The following LONP2 variants were observed in gnomAD, a reference collection of about 807,000 sequenced individuals.
The protein encoded by LONP2 is lon protease homolog 2, peroxisomal.
A neutral mutation model predicts 85.6 loss-of-function variants in LONP2; 60 were observed. The observed-to-expected ratio is 0.70, with a 90% confidence interval of 0.57 to 0.87. The LOEUF (loss-of-function observed/expected upper bound fraction) is 0.87, where lower values mean the gene tolerates loss of function less well. Ranked by LOEUF, LONP2 falls within the 40% of genes least tolerant of loss-of-function variation. The pLI, the probability that LONP2 is intolerant of heterozygous loss-of-function variation, is 0.00. For synonymous variants in LONP2, 395 were observed against 389.7 expected (o/e 1.01, Z -0.16); for missense variants, 860 against 1,063.5 (o/e 0.81, Z 2.66).
At chr16:48,250,095 G>A (rs143593597) in intron 1 of LONP2, among the ~76,000 whole-genome samples, 4,031 of 151,954 alleles carry the variant, frequency 0.027, 69 homozygotes, top group Non-Finnish European at 0.037. Context: ...GGGAGGCTGA[G>A]GCACGAGAAT....
chr16:48,268,224 C>G (rs1032092136), intron 6 of LONP2, among the ~76,000 whole-genome samples: 2 of 152,062 alleles, frequency 1.3e-5, no homozygotes, highest in Non-Finnish European at 2.9e-5. Flanking sequence ...ATAATTTATA[C>G]AGCATGGAAA....
intron 11 of LONP2, among the ~76,000 whole-genome samples, chr16:48,328,984 A>G (rs1959349965): frequency 6.6e-6 from 1 of 152,228 alleles, no homozygotes; most frequent in African/African-American, 2.4e-5. Flanking sequence ...AGAAAACCAG[A>G]TACAAAGAGG....
chr16:48,327,540 C>T (rs1418981639), intron 11 of LONP2, among the ~76,000 whole-genome samples: 4 of 152,068 alleles, frequency 2.6e-5, no homozygotes, highest in East Asian at 1.9e-4. Flanking sequence ...TCACTGCAAC[C>T]TCCACTTCCC....
At chr16:48,280,698 TA>T (rs1972308037) in intron 8 of LONP2, among the ~76,000 whole-genome samples, 1 of 152,142 alleles carries the variant, frequency 6.6e-6, no homozygotes, top group Non-Finnish European at 1.5e-5. Flanking sequence ...GTAAATGCTA[TA>T]AAATGAAGCA....
intron 6 of LONP2, among the ~76,000 whole-genome samples, chr16:48,268,676 T>C (rs918733125): frequency 6.6e-6 from 1 of 152,206 alleles, no homozygotes; most frequent in African/African-American, 2.4e-5. Context: ...CTTTCACTTC[T>C]TCATATATTC....
chr16:48,343,486 C>T (rs752339910), intron 12 of LONP2, among the ~76,000 whole-genome samples: 5 of 152,202 alleles, frequency 3.3e-5, no homozygotes, highest in Non-Finnish European at 7.4e-5. Context: ...ATCATGAGGT[C>T]AGGAGTTCGA....
intron 7 of LONP2, among the ~76,000 whole-genome samples, chr16:48,271,012 C>G (rs566456879): frequency 2.6e-4 from 40 of 152,054 alleles, no homozygotes; most frequent in African/African-American, 9.4e-4. Context: ...TAATTTTTGT[C>G]TCCACAAAAA....
At chr16:48,358,942 A>C (rs1343012862), downstream of LONP2, among the ~76,000 whole-genome samples, 1 of 152,146 alleles carries the variant, frequency 6.6e-6, no homozygotes, top group Non-Finnish European at 1.5e-5. Context: ...TAATCAAAAC[A>C]CTTAATAGTA....
rs1960244961 is a variant in LONP2, at chr16:48,354,081, G to GC, written c.*2279_*2280insC. 1 of 133,916 alleles carries GC rather than the reference G, an allele frequency of 7.5e-6. No homozygotes were observed. The allele number at this position is 133,916 out of a possible 1,614,324, so 8.3% of individuals were successfully genotyped here. A position where few individuals can be genotyped will look rare whatever the true frequency, so the allele number is the denominator to read the frequency against. Reference sequence around the variant, plus strand: ...TTTTCACCTGGGTTTTTTTTTTTTGGGGGGGGTGGGGGGTTAGGGGTGGGG... The same window carrying GC: ...TTTTCACCTGGGTTTTTTTTTTTTGGCGGGGGGTGGGGGGTTAGGGGTGGGG... On this transcript the variant is annotated 3_prime_UTR_variant, in exon 15 of 15. Coordinates refer to ENST00000285737, the MANE Select transcript of LONP2 (RefSeq NM_031490.5).
In LONP2 at chr16:48,297,060, T is replaced by G. The variant is rs142436049; in HGVS notation, c.1534+895T>G. Among the ~76,000 whole-genome samples the G allele has an allele frequency of 1.9e-3, 287 of 152,294 alleles. 1 individual carries two copies. Among genetic ancestry groups the G allele is most frequent in the African/African-American group, 6.6e-3 (274 of 41,560 alleles). ...GTCTAGCTTGTTGCCCAGGCTGGAG[T>G]GCAGTGGCACGATCTCGGCTCACTG... On this transcript the variant is annotated intron_variant, in intron 9 of 14. Transcript: ENST00000285737.
In LONP2 at chr16:48,348,269, ACT is replaced by A; in HGVS notation, c.2317_2318del (p.Leu773GlufsTer11). 6.5e-7 allele frequency: 1 copy of A among 1,534,706 alleles called. No homozygotes were observed. Among genetic ancestry groups the A allele is most frequent in the Non-Finnish European group, 8.8e-7 (1 of 1,142,376 alleles). Reference sequence around the variant, plus strand: ...ATGTAGCCATGACTGGAGAAATTACACTGAGAGGTCTTGTTCTTCCAGTAAGT... The same window carrying A: ...ATGTAGCCATGACTGGAGAAATTACAGAGAGGTCTTGTTCTTCCAGTAAGT... Reference protein sequence around the residue: ...SDVAMTGEITLRGLVLPVGGI... With the variant: ...SDVAMTGEITXRGLVLPVGGI... On this transcript the variant is annotated frameshift_variant, in exon 14 of 15. Transcript: ENST00000285737. LOFTEE classifies it high-confidence loss of function.
intron 10 of LONP2, among the ~76,000 whole-genome samples, chr16:48,302,014 A>G (rs1486723263): frequency 6.6e-6 from 1 of 152,236 alleles, no homozygotes; most frequent in African/African-American, 2.4e-5. Context: ...TGTTTCAGAT[A>G]GAGTCTAAAC....
chr16:48,359,265 C>G (rs868465745), downstream of LONP2, among the ~76,000 whole-genome samples: 1 of 152,136 alleles, frequency 6.6e-6, no homozygotes, highest in Admixed American at 6.5e-5. Context: ...CGTCCAGCCA[C>G]GTTTATTTTG....
At chr16:48,256,864 T>C in intron 3 of LONP2, 123 bp downstream of exon 3, 1 of 853,400 alleles carries the variant, frequency 1.2e-6, no homozygotes, top group Non-Finnish European at 1.8e-6. Flanking sequence ...TTGAAATGCT[T>C]TTACATTTAA....
At chr16:48,334,158 T>A in intron 11 of LONP2, 58 bp from the exon 12 acceptor site, 1 of 1,546,262 alleles carries the variant, frequency 6.5e-7, no homozygotes. Context: ...TTACTGCTAG[T>A]GAATTTTCCA....
intron 9 of LONP2, among the ~76,000 whole-genome samples, chr16:48,296,555 C>A (rs1972675512): frequency 6.6e-6 from 1 of 151,952 alleles, no homozygotes; most frequent in African/African-American, 2.4e-5. Flanking sequence ...TGGTGAAACA[C>A]CATCTCAATA....
At chr16:48,292,083 TGA>T (rs1405872947) in intron 8 of LONP2, among the ~76,000 whole-genome samples, 2 of 152,142 alleles carry the variant, frequency 1.3e-5, no homozygotes, top group African/African-American at 4.8e-5. Flanking sequence ...CATTCACCTG[TGA>T]GAGGGGAGCA....
intron 11 of LONP2, among the ~76,000 whole-genome samples, chr16:48,329,034 G>A (rs147247714): frequency 1.3e-5 from 2 of 152,242 alleles, no homozygotes; most frequent in African/African-American, 4.8e-5. Context: ...GGTAATCTGA[G>A]TCAGGACTGG....
chr16:48,279,494 TGGGGTCG>T (rs1567320346), intron 8 of LONP2, among the ~76,000 whole-genome samples: 1 of 152,056 alleles, frequency 6.6e-6, no homozygotes, highest in Admixed American at 6.6e-5. Context: ...GAAGAATGAT[TGGGGTCG>T]GGGGTATCAC....
Sources: allele counts gnomAD v4.1 joint callset (sites outside exome capture counted in the v4.1 genomes callset), GRCh38; gene constraint gnomAD v4.1.1; transcripts MANE v1.5; gene names NCBI Gene and HGNC (gene_info 2026-07-23, HGNC 2026-07-21).